The following EDN1 variants were observed in gnomAD, a reference collection of about 807,000 sequenced individuals.
EDN1 encodes endothelin 1, also known as endothelin-1.
EDN1 carries 11 observed loss-of-function variants against 21.7 expected under a neutral mutation model. That is an observed-to-expected ratio of 0.51 (90% CI 0.32 to 0.84). The LOEUF (loss-of-function observed/expected upper bound fraction) is 0.84. Among genes scored for constraint, EDN1 ranks in the 40% least tolerant of loss-of-function variants. The pLI is 0.03. For missense variants in EDN1, 244 were observed against 262.3 expected (o/e 0.93, Z 0.48); for synonymous variants, 85 against 90.6 (o/e 0.94, Z 0.35).
At chr6:12,260,719 AT>A in the EDN1 span, among the ~76,000 whole-genome samples, 1 of 151,642 alleles carries the variant, frequency 6.6e-6, no homozygotes. Context: ...GATTGCCTTT[AT>A]TTTTTTATAG....
At chr6:12,275,233 C>T in the EDN1 span, among the ~76,000 whole-genome samples, 2 of 152,192 alleles carry the variant, frequency 1.3e-5, no homozygotes, top group African/African-American at 2.4e-5. Flanking sequence ...GCTTGGGGCT[C>T]TTCCCTCATA....
the EDN1 span, among the ~76,000 whole-genome samples, chr6:12,281,760 C>T: frequency 6.6e-6 from 1 of 152,208 alleles, no homozygotes; most frequent in South Asian, 2.1e-4. Context: ...CCCACCTCTA[C>T]ATTAGTGGAT....
the EDN1 span, among the ~76,000 whole-genome samples, chr6:12,278,745 A>T: frequency 2.0e-5 from 3 of 151,978 alleles, no homozygotes; most frequent in Non-Finnish European, 4.4e-5. Context: ...AAAAATACAA[A>T]AATTAGCTGG....
chr6:12,295,729 C>T (rs1334693577), intron 4 of EDN1, among the ~76,000 whole-genome samples: 2 of 152,054 alleles, frequency 1.3e-5, no homozygotes, highest in Non-Finnish European at 2.9e-5. Flanking sequence ...GCCCACTTCC[C>T]CTTAGACTTG....
chr6:12,282,647 C>T, the EDN1 span, among the ~76,000 whole-genome samples: 1 of 152,214 alleles, frequency 6.6e-6, no homozygotes, highest in African/African-American at 2.4e-5. Context: ...TTCAGTACTG[C>T]TTCCCTTAAA....
At chr6:12,270,258 T>C in the EDN1 span, among the ~76,000 whole-genome samples, 1 of 151,992 alleles carries the variant, frequency 6.6e-6, no homozygotes, top group African/African-American at 2.4e-5. Context: ...ATCTTTTTAA[T>C]TTTTTTCTCT....
the EDN1 span, among the ~76,000 whole-genome samples, chr6:12,254,055 C>A: frequency 6.6e-6 from 1 of 152,032 alleles, no homozygotes; most frequent in Admixed American, 6.6e-5. Flanking sequence ...ATGGGGAGCT[C>A]CAAACTATCT....
chr6:12,273,110 G>A, the EDN1 span, among the ~76,000 whole-genome samples: 1 of 152,220 alleles, frequency 6.6e-6, no homozygotes, highest in African/African-American at 2.4e-5. Context: ...CCCATGGTGT[G>A]CACTGGGAGC....
the EDN1 span, among the ~76,000 whole-genome samples, chr6:12,257,644 T>C: frequency 6.6e-6 from 1 of 150,964 alleles, no homozygotes; most frequent in Non-Finnish European, 1.5e-5. Flanking sequence ...AGTTTCCAGT[T>C]GTGTTTGGAA....
chr6:12,244,838 G>A, the EDN1 span, among the ~76,000 whole-genome samples: 1 of 152,208 alleles, frequency 6.6e-6, no homozygotes, highest in African/African-American at 2.4e-5. Context: ...GAGAGCCGCT[G>A]CTCTAGGGTA....
At chr6:12,239,330 C>CT in the EDN1 span, among the ~76,000 whole-genome samples, 1 of 152,294 alleles carries the variant, frequency 6.6e-6, no homozygotes, top group African/African-American at 2.4e-5. Context: ...GTTCTTGTTC[C>CT]TTTTTCTGAC....
chr6:12,272,452 C>CTTTTTTTTTTTT, the EDN1 span, among the ~76,000 whole-genome samples: 20 of 106,816 alleles, frequency 1.9e-4, no homozygotes, highest in African/African-American at 7.4e-4. Context: ...GAGTCATACT[C>CTTTTTTTTTTTT]TTTTTTTTTT....
At chr6:12,278,627 C>T in the EDN1 span, among the ~76,000 whole-genome samples, 1 of 152,226 alleles carries the variant, frequency 6.6e-6, no homozygotes, top group East Asian at 1.9e-4. Flanking sequence ...CATGGTGGCT[C>T]ATACCTGTAA....
chr6:12,247,466 T>C, the EDN1 span, among the ~76,000 whole-genome samples: 2 of 151,980 alleles, frequency 1.3e-5, no homozygotes, highest in African/African-American at 4.8e-5. Context: ...ATACCAGTAT[T>C]TGGCAAAGGA....
the EDN1 span, among the ~76,000 whole-genome samples, chr6:12,230,718 C>A: frequency 5.8e-4 from 89 of 152,268 alleles, 1 homozygote; most frequent in Middle Eastern, 6.8e-3. Flanking sequence ...CACCACTCTG[C>A]ATGTCCATGA....
the EDN1 span, among the ~76,000 whole-genome samples, chr6:12,236,942 A>C: frequency 6.6e-6 from 1 of 151,736 alleles, no homozygotes; most frequent in Non-Finnish European, 1.5e-5. Context: ...CATCATTTAC[A>C]TTAGGTATTT....
chr6:12,266,503 C>T, the EDN1 span, among the ~76,000 whole-genome samples: 24 of 152,192 alleles, frequency 1.6e-4, no homozygotes, highest in Admixed American at 5.2e-4. Context: ...CACAGTCCCT[C>T]TTCTCCAAAA....
chr6:12,294,920 C>CTTTT (rs61701314), intron 4 of EDN1, among the ~76,000 whole-genome samples: 1,148 of 107,600 alleles, frequency 0.011, 77 homozygotes, highest in Middle Eastern at 0.028. Context: ...GGTTTATGGT[C>CTTTT]TTTTTTTTTT....
chr6:12,241,518 G>T, the EDN1 span, among the ~76,000 whole-genome samples: 1 of 151,864 alleles, frequency 6.6e-6, no homozygotes, highest in Non-Finnish European at 1.5e-5. Flanking sequence ...AAAGAGGGAG[G>T]TATTAGTACA....
Sources: allele counts gnomAD v4.1 joint callset (sites outside exome capture counted in the v4.1 genomes callset), GRCh38; gene constraint gnomAD v4.1.1; transcripts MANE v1.5; gene names NCBI Gene and HGNC (gene_info 2026-07-23, HGNC 2026-07-21).